ADGRF1: variants seen among roughly 807,000 people sequenced by gnomAD.
ADGRF1 encodes adhesion G protein-coupled receptor F1, also known as G protein-coupled receptor 110.
In ADGRF1, 85 loss-of-function variants were observed where a neutral mutation model predicts 87.2. The ratio of observed to expected loss-of-function variants is 0.97; its 90% CI spans 0.82 to 1.17. The LOEUF (loss-of-function observed/expected upper bound fraction) is 1.17. Ranked by LOEUF, ADGRF1 falls within the 50% of genes most tolerant of loss-of-function variation. The probability of loss-of-function intolerance (pLI) is 0.00; values close to 1 mark genes in which losing one functional copy is unlikely to be tolerated. For missense variants in ADGRF1, 1,169 were observed against 1,077.2 expected, an observed-to-expected ratio of 1.09 and a Z score of -1.19; for synonymous variants, 430 against 408.8, an observed-to-expected ratio of 1.05 and a Z score of -0.63.
Position 47,018,015 on chromosome 6 carries a change from C to T in ADGRF1, c.612-1247G>A. 1.1e-5 allele frequency: 2 copies of T among 182,170 alleles called. 1 individual carries two copies. Among genetic ancestry groups the T allele is most frequent in the South Asian group, 2.4e-4 (2 of 8,254 alleles). 11.3% of individuals were successfully genotyped at this position (182,170 alleles called of 1,614,324 possible). On this transcript the variant is annotated intron_variant, in intron 7 of 14. Coordinates refer to ENST00000371253, the MANE Select transcript of ADGRF1 (RefSeq NM_153840.4). ...TGGGTCTCTGCAAGTGGAAGGACAG[C>T]ATTGCTGTAATGGAAATAGGGAAGA...
intron 1 of ADGRF1, among the ~76,000 whole-genome samples, chr6:47,040,648 C>A (rs1157353138): frequency 6.6e-6 from 1 of 152,150 alleles, no homozygotes; most frequent in South Asian, 2.1e-4. Flanking sequence ...GACTTGTGCA[C>A]CCTTGTGACG....
intron 4 of ADGRF1, 63 bp downstream of exon 4, chr6:47,025,791 C>A: frequency 6.9e-7 from 1 of 1,443,558 alleles, no homozygotes. Flanking sequence ...CATAACCCAA[C>A]CTAGCCTGAC....
At chr6:47,034,693 C>G (rs947500875) in intron 1 of ADGRF1, among the ~76,000 whole-genome samples, 6 of 152,132 alleles carry the variant, frequency 3.9e-5, no homozygotes, top group Non-Finnish European at 8.8e-5. Context: ...CAATCCAGAC[C>G]CACTTTTGGG....
intron 1 of ADGRF1, among the ~76,000 whole-genome samples, chr6:47,033,874 G>T (rs142449402): frequency 1.1e-3 from 175 of 152,360 alleles, no homozygotes; most frequent in South Asian, 4.1e-3. Context: ...GGACAGAAAA[G>T]ATAGCCACTT....
chr6:47,019,078 C>G (rs1056912349), intron 7 of ADGRF1: 14 of 180,818 alleles, frequency 7.7e-5, no homozygotes, highest in Non-Finnish European at 1.4e-4. Context: ...CATATTGAAA[C>G]AAAATGAAAC....
In ADGRF1 at chr6:47,009,799, C is replaced by T. The variant is rs112946460; in HGVS notation, c.1636G>A (p.Asp546Asn). 5.1e-5 allele frequency: 82 copies of T among 1,614,102 alleles called. No homozygotes were observed. The highest frequency in any genetic ancestry group is 4.9e-4 in the East Asian group (22 of 44,848). ...FWDFSHLQWNDAGCHLVNETQ... is the reference protein window; with the variant it reads ...FWDFSHLQWNNAGCHLVNETQ... ...TCATTCACTAGGTGGCAGCCTGCATCGTTCCACTGCAAATGACTGAAATCC... is the reference window on the plus strand; with the variant it reads ...TCATTCACTAGGTGGCAGCCTGCATTGTTCCACTGCAAATGACTGAAATCC... Residue 546 changes from aspartate to asparagine, a missense_variant, in exon 11 of 15, where the codon GAT becomes AAT. Transcript: ENST00000371253.
intron 7 of ADGRF1, chr6:47,020,349 A>G: frequency 1.2e-6 from 1 of 849,740 alleles, no homozygotes; most frequent in South Asian, 2.2e-5. Flanking sequence ...AAAAAAAGTT[A>G]GCTGGATGTG....
chr6:47,014,910 T>C (rs1235824914), intron 8 of ADGRF1, 66 bp from the exon 9 acceptor site: 1 of 1,467,414 alleles, frequency 6.8e-7, no homozygotes, highest in Non-Finnish European at 9.0e-7. Context: ...ATATAAACCA[T>C]GTAGTCATGT....
chr6:47,018,459 G>C (rs1221162769), intron 7 of ADGRF1: 2 of 1,289,718 alleles, frequency 1.6e-6, no homozygotes, highest in Admixed American at 4.6e-5. Flanking sequence ...ACACCCTTTT[G>C]CTTAATGATG....
At chr6:47,025,015 G>A (rs1780184630) in intron 4 of ADGRF1, among the ~76,000 whole-genome samples, 1 of 152,198 alleles carries the variant, frequency 6.6e-6, no homozygotes, top group Non-Finnish European at 1.5e-5. Context: ...CCACTCCCAA[G>A]TAGGCCTTAT....
intron 11 of ADGRF1, 27 bp from the exon 12 acceptor site, chr6:47,007,321 T>C (rs758266966): frequency 1.4e-5 from 19 of 1,364,860 alleles, no homozygotes; most frequent in Non-Finnish European, 1.9e-5. Context: ...ATAAATCACA[T>C]GTATTGTATT....
At chr6:47,001,455 T>C in intron 14 of ADGRF1, 46 bp downstream of exon 14, 1 of 1,489,740 alleles carries the variant, frequency 6.7e-7, no homozygotes, top group Non-Finnish European at 9.3e-7. Context: ...TATACTCATA[T>C]ACTCTTTTCA....
intron 13 of ADGRF1, among the ~76,000 whole-genome samples, chr6:47,003,119 A>G (rs1388353197): frequency 6.6e-6 from 1 of 151,260 alleles, no homozygotes; most frequent in African/African-American, 2.4e-5. Context: ...GATTTCAAAG[A>G]AACCTGAAAA....
intron 1 of ADGRF1, among the ~76,000 whole-genome samples, chr6:47,031,355 C>G (rs201882772): frequency 0.012 from 1,422 of 119,268 alleles, 19 homozygotes; most frequent in African/African-American, 0.057. Flanking sequence ...CTCTCTGTCT[C>G]TCTCTCTCTC....
rs780141838 is a variant in ADGRF1 at position 47,000,254 on chromosome 6, T to A, written c.2701A>T (p.Ile901Phe). 1 of 1,608,508 alleles carries A rather than the reference T, an allele frequency of 6.2e-7. No homozygotes were observed. The highest frequency in any genetic ancestry group is 8.5e-7 in the Non-Finnish European group (1 of 1,176,668). ...TTTGAGACAAACTGAGTTAGCATGA[T>A]GTTGTCGGAGGAATCTCCAGTATGA... ...FSHTGDSSDN[I>F]MLTQFVSNE The change falls in exon 15 of 15, where the codon ATC (isoleucine) becomes TTC (phenylalanine). Residue 901 changes from isoleucine (I) to phenylalanine (F), a missense_variant. Physicochemically the swap from Ile to Phe is conservative, Grantham distance 21. Coordinates refer to ENST00000371253, the MANE Select transcript of ADGRF1 (RefSeq NM_153840.4).
Position 47,009,462 on chromosome 6 carries a change from G to A in ADGRF1, c.1973C>T (p.Thr658Ile), listed in dbSNP as rs144374951. 8.4e-5 allele frequency: 135 copies of A among 1,613,886 alleles called. No individual in the cohort carries two copies. Among genetic ancestry groups the A allele is most frequent in the Admixed American group, 5.8e-4 (35 of 59,940 alleles). Residue 658 changes from threonine to isoleucine, a missense_variant, in exon 11 of 15, where the codon ACA (threonine) becomes ATA (isoleucine). Physicochemically the swap from Thr to Ile is moderately conservative, Grantham distance 89. Transcript: ENST00000371253. The stretch of plus-strand genomic sequence containing the variant: ...GAAGTGTGTAAAGAACACAGCAGCT[G>A]TGCAGACTCCAGAAGGGTTCACCGT... ...DTTVNPSGVC[T>I]AAVFFTHFFY...
At position 47,021,530 on chromosome 6, in the gene ADGRF1, TTG is replaced by T. The variant is rs1198113314; in HGVS notation, c.552+426_552+427del. On this transcript the variant is annotated intron_variant, in intron 6 of 14. Transcript: ENST00000371253. ...GTATGTCACTATGCCCTGCTAATTT[TTG>T]TGTTTTTTAGTAGAGATTGGGTTTC... Among the ~76,000 whole-genome samples the T allele has an allele frequency of 1.1e-4, 16 of 152,250 alleles. No homozygotes were observed. In the East Asian group the frequency reaches 2.9e-3, roughly 28 times the overall value.
intron 3 of ADGRF1, among the ~76,000 whole-genome samples, chr6:47,026,555 C>T (rs868664754): frequency 5.9e-5 from 9 of 152,252 alleles, no homozygotes; most frequent in African/African-American, 2.2e-4. Context: ...GCACCCTCAC[C>T]TCCAGCTCAT....
chr6:47,035,639 CA>C (rs1780566720), intron 1 of ADGRF1, among the ~76,000 whole-genome samples: 1 of 152,010 alleles, frequency 6.6e-6, no homozygotes, highest in Admixed American at 6.6e-5. Context: ...TTTCTCAGCC[CA>C]AAGAATCAAG....
Sources: gnomAD v4.1 joint callset for allele counts (sites outside exome capture counted in the v4.1 genomes callset) on GRCh38, gnomAD v4.1.1 for gene constraint, MANE v1.5 for transcripts, NCBI Gene and HGNC (gene_info 2026-07-23, HGNC 2026-07-21) for gene names.